The following CCNB3 variants were observed in gnomAD, a reference collection of about 807,000 sequenced individuals.
The protein encoded by CCNB3 is G2/mitotic-specific cyclin-B3.
In CCNB3, 12 loss-of-function variants were observed where a neutral mutation model predicts 68.0. The observed-to-expected ratio is 0.18, with a 90% CI of 0.11 to 0.29. The LOEUF is 0.29. Ranked by LOEUF, CCNB3 falls within the 10% of genes least tolerant of loss-of-function variation. The probability of loss-of-function intolerance (pLI) is 1.00; values close to 1 mark genes in which losing one functional copy is unlikely to be tolerated. For missense variants in CCNB3, 904 were observed against 993.1 expected, an observed-to-expected ratio of 0.91 and a Z score of 1.21; for synonymous variants, 354 against 388.9, an observed-to-expected ratio of 0.91 and a Z score of 1.06.
At chrX:50,347,568 T>A (rs182656219) in intron 10 of CCNB3, 58 bp from the exon 11 acceptor site, 6 of 1,128,196 alleles carry the variant, frequency 5.3e-6, no homozygotes, top group Non-Finnish European at 2.4e-6. Flanking sequence ...GAGGGAGTCC[T>A]CTGCTTGGTG....
At chrX:50,342,036 A>G (rs782168825) in intron 8 of CCNB3, 166 bp from the exon 9 acceptor site, 2 of 507,343 alleles carry the variant, frequency 3.9e-6, no homozygotes, top group Non-Finnish European at 6.8e-6. Flanking sequence ...AAGGCACAGG[A>G]GATATACACA....
chrX:50,320,381 C>T (rs1438135712), intron 8 of CCNB3, among the ~76,000 whole-genome samples: 6 of 110,400 alleles, frequency 5.4e-5, no homozygotes, highest in African/African-American at 2.0e-4. Flanking sequence ...TTGGTCCCTT[C>T]CGTCTAAGCT....
rs1253204751 is a variant in CCNB3 at position 50,279,494 on chromosome X, A to T, written c.-112-5048A>T. ...TAAATATATGAAATATTCATATATA[A>T]ATATATATGAATGTATTTATTCATA... is the stretch of plus-strand genomic sequence containing the variant. On this transcript the variant is annotated intron_variant, in intron 1 of 12. Transcript: ENST00000376042. 8.4e-5 allele frequency among the ~76,000 whole-genome samples: 7 copies of T among 83,558 alleles called. No individual in the cohort carries two copies. In the South Asian group the frequency reaches 2.3e-3, roughly 27 times the overall value. 72.6% of individuals were successfully genotyped at this position (83,558 alleles called of 115,157 possible).
chrX:50,329,570 G>A (rs1197266159), intron 8 of CCNB3, among the ~76,000 whole-genome samples: 1 of 112,774 alleles, frequency 8.9e-6, no homozygotes, highest in African/African-American at 3.2e-5. Context: ...GCACATGGAA[G>A]CAGCCCCCCA....
chrX:50,216,085 A>T (rs1343945773), intron 1 of CCNB3, among the ~76,000 whole-genome samples: 1 of 105,641 alleles, frequency 9.5e-6, no homozygotes, highest in Non-Finnish European at 1.9e-5. Flanking sequence ...AGTAGCTGGG[A>T]ATACAGGTGC....
intron 7 of CCNB3, among the ~76,000 whole-genome samples, chrX:50,313,382 G>T (rs1557215336): frequency 8.9e-6 from 1 of 111,780 alleles, no homozygotes; most frequent in Admixed American, 9.6e-5. Flanking sequence ...TATAATAAAA[G>T]TGTGAGCCTT....
intron 9 of CCNB3, among the ~76,000 whole-genome samples, chrX:50,343,446 G>A (rs1370262407): frequency 8.9e-6 from 1 of 112,071 alleles, no homozygotes; most frequent in Non-Finnish European, 1.9e-5. Flanking sequence ...TTCAATGCCT[G>A]TAATCCCAGC....
Position 50,285,222 on chromosome X carries a change from G to A in CCNB3, c.59G>A (p.Ser20Asn), listed in dbSNP as rs1161803757. The A allele has an allele frequency of 8.3e-7, 1 of 1,209,970 alleles. No individual in the cohort carries two copies. Residue 20 changes from serine to asparagine, a missense_variant, in exon 3 of 13, where the codon AGC becomes AAC. Around this residue, in one of 2 missense-constraint regions of CCNB3, gnomAD observed 619 missense variants for 609.8 expected, o/e 1.02. Transcript: ENST00000376042. ...CCTGTGCCTAAGAAATCTCAGTCCAGCAAAATTGTGCCCAGTCATCATGAC... is the reference window on the plus strand; with the variant it reads ...CCTGTGCCTAAGAAATCTCAGTCCAACAAAATTGTGCCCAGTCATCATGAC... ...SKPVPKKSQS[S>N]KIVPSHHDPS...
At chrX:50,339,168 G>C (rs782421015) in intron 8 of CCNB3, among the ~76,000 whole-genome samples, 1 of 112,471 alleles carries the variant, frequency 8.9e-6, no homozygotes, top group Non-Finnish European at 1.9e-5. Context: ...GCCTCAGGAA[G>C]TCCTGATGAC....
At chrX:50,224,518 C>T (rs1275165992) in intron 1 of CCNB3, among the ~76,000 whole-genome samples, 2 of 111,742 alleles carry the variant, frequency 1.8e-5, no homozygotes, top group Non-Finnish European at 3.8e-5. Flanking sequence ...ACAACTTTTA[C>T]TCAATAAGTT....
intron 4 of CCNB3, among the ~76,000 whole-genome samples, chrX:50,290,019 C>CCA (rs1403950288): frequency 9.0e-6 from 1 of 111,660 alleles, no homozygotes; most frequent in Non-Finnish European, 1.9e-5. Context: ...GAGCCCCTTC[C>CCA]CACACACACA....
intron 4 of CCNB3, among the ~76,000 whole-genome samples, chrX:50,290,958 A>G (rs894867233): frequency 7.2e-5 from 8 of 111,734 alleles, no homozygotes; most frequent in African/African-American, 2.6e-4. Flanking sequence ...GAGCTCATCT[A>G]TTTGACAGTT....
intron 1 of CCNB3, among the ~76,000 whole-genome samples, chrX:50,226,135 A>T (rs1161840296): frequency 2.6e-5 from 2 of 78,083 alleles, no homozygotes; most frequent in Non-Finnish European, 4.6e-5. Flanking sequence ...CGATATATAT[A>T]AATATATATT....
intron 5 of CCNB3, among the ~76,000 whole-genome samples, chrX:50,304,916 A>G (rs1557213259): frequency 8.9e-6 from 1 of 112,425 alleles, no homozygotes. Flanking sequence ...GCTCATTATC[A>G]CTGGCCATCA....
At chrX:50,327,933 C>G (rs782209195) in intron 8 of CCNB3, among the ~76,000 whole-genome samples, 1 of 111,853 alleles carries the variant, frequency 8.9e-6, no homozygotes, top group South Asian at 3.7e-4. Context: ...CACAAGGATA[C>G]TTAAATATAG....
chrX:50,228,420 T>G (rs1361556646), intron 1 of CCNB3, among the ~76,000 whole-genome samples: 1 of 89,901 alleles, frequency 1.1e-5, no homozygotes, highest in Non-Finnish European at 2.1e-5. Flanking sequence ...TATATCTATG[T>G]AGAATATATA....
At chrX:50,333,478 C>T (rs1922702808) in intron 8 of CCNB3, among the ~76,000 whole-genome samples, 1 of 111,742 alleles carries the variant, frequency 8.9e-6, no homozygotes, top group Non-Finnish European at 1.9e-5. Flanking sequence ...GCAAGTAACA[C>T]ACTGTTGTTG....
At chrX:50,342,140 G>C in intron 8 of CCNB3, 62 bp from the exon 9 acceptor site, 1 of 1,186,315 alleles carries the variant, frequency 8.4e-7, no homozygotes, top group Non-Finnish European at 1.1e-6. Flanking sequence ...AGCTAGATCT[G>C]TCTGGAGGCG....
chrX:50,211,076 A>G lies in CCNB3; in HGVS notation c.-113+6126A>G, dbSNP rs1393480598. 6.3e-5 allele frequency among the ~76,000 whole-genome samples: 7 copies of G among 110,741 alleles called. No homozygotes were observed. In the Admixed American group the frequency reaches 6.8e-4, roughly 11 times the overall value. On this transcript the variant is annotated intron_variant, in intron 1 of 12. Transcript: ENST00000376042. ...TCAGGAATTCAAGACCAGCCTGGCC[A>G]ATATGGCAATACCCTGTCTCTACTA...
Sources: gnomAD v4.1 joint callset for allele counts (sites outside exome capture counted in the v4.1 genomes callset) on GRCh38, gnomAD v4.1.1 for gene constraint, gnomAD v4.1.1 regional missense constraint, MANE v1.5 for transcripts, NCBI Gene and HGNC (gene_info 2026-07-23, HGNC 2026-07-21) for gene names.